WDR12: variants seen among roughly 807,000 people sequenced by gnomAD.
The protein encoded by WDR12 is ribosome biogenesis protein WDR12.
A neutral mutation model predicts 64.3 loss-of-function variants in WDR12; 42 were observed. That is an observed-to-expected ratio of 0.65 (90% confidence interval 0.51 to 0.84). WDR12 has a LOEUF of 0.84. Among genes scored for constraint, WDR12 ranks in the 40% least tolerant of loss-of-function variants. The pLI is 0.00. For missense variants in WDR12, 469 were observed against 494.6 expected, an observed-to-expected ratio of 0.95 and a Z score of 0.49; for synonymous variants, 158 against 173.3, an observed-to-expected ratio of 0.91 and a Z score of 0.70.
At chr2:202,885,709 GC>G in intron 8 of WDR12, among the ~76,000 whole-genome samples, 1 of 152,030 alleles carries the variant, frequency 6.6e-6, no homozygotes, top group Non-Finnish European at 1.5e-5. Context: ...TAAACTAAAA[GC>G]CCCAAACTAG....
intron 2 of WDR12, among the ~76,000 whole-genome samples, chr2:202,906,663 A>C (rs1019216369): frequency 1.3e-5 from 2 of 152,188 alleles, no homozygotes; most frequent in Non-Finnish European, 2.9e-5. Context: ...CAGGAGTTCG[A>C]GACCAGCCTC....
chr2:202,896,439 C>T (rs1688243866), intron 5 of WDR12, among the ~76,000 whole-genome samples: 1 of 152,192 alleles, frequency 6.6e-6, no homozygotes, highest in Admixed American at 6.5e-5. Flanking sequence ...CCTGTAAATA[C>T]TGACATTTTG....
rs1687831699 is a variant in WDR12, at chr2:202,874,952, A to C, written c.*5908T>G. 6.6e-6 allele frequency: 1 copy of C among 152,234 alleles called. No homozygotes were observed. The highest frequency in any genetic ancestry group is 1.5e-5 in the Non-Finnish European group (1 of 68,044). The allele number at this position is 152,234 out of a possible 1,614,324, so 9.4% of individuals were successfully genotyped here. ...AACCACTGAACTTCATCTGGTATTAAGTCTCAGCCATGTTATTACACTTTC... is the reference window on the plus strand; with the variant it reads ...AACCACTGAACTTCATCTGGTATTACGTCTCAGCCATGTTATTACACTTTC... On this transcript the variant is annotated 3_prime_UTR_variant, in exon 13 of 13. Coordinates refer to ENST00000261015, the MANE Select transcript of WDR12 (RefSeq NM_018256.4).
intron 8 of WDR12, among the ~76,000 whole-genome samples, chr2:202,892,064 C>A (rs1038909533): frequency 6.6e-6 from 1 of 152,174 alleles, no homozygotes; most frequent in East Asian, 1.9e-4. Context: ...TGTATCTAAT[C>A]ATGTAGTACA....
chr2:202,896,090 A>G lies in WDR12; in HGVS notation c.584T>C (p.Ile195Thr). ...TTTAGTTCCTGAGCCATCAACAGCTATAGAATCTACACTTCCAGCATGACC... is the reference window on the plus strand; with the variant it reads ...TTTAGTTCCTGAGCCATCAACAGCTGTAGAATCTACACTTCCAGCATGACC... ...CRGHAGSVDS[I>T]AVDGSGTKFC... The change falls in exon 6 of 13, where the codon ATA (isoleucine) becomes ACA (threonine). Residue 195 changes from isoleucine (I) to threonine (T), a missense_variant. Transcript: ENST00000261015. The G allele has an allele frequency of 6.2e-7, 1 of 1,613,866 alleles. No individual in the cohort carries two copies. Among genetic ancestry groups the G allele is most frequent in the Non-Finnish European group, 8.5e-7 (1 of 1,179,920 alleles).
intron 8 of WDR12, among the ~76,000 whole-genome samples, chr2:202,890,909 A>G (rs1348357043): frequency 6.7e-6 from 1 of 150,008 alleles, no homozygotes; most frequent in Non-Finnish European, 1.5e-5. Flanking sequence ...TGGGAGGATC[A>G]CCTGAGGCCA....
chr2:202,894,502 G>A (rs1031501439), intron 7 of WDR12, 79 bp downstream of exon 7: 27 of 1,284,942 alleles, frequency 2.1e-5, no homozygotes, highest in Admixed American at 7.2e-5. Context: ...GATTATAGGC[G>A]TAAGCCACCA....
At chr2:202,892,207 T>A (rs1160668380) in intron 8 of WDR12, among the ~76,000 whole-genome samples, 11 of 152,198 alleles carry the variant, frequency 7.2e-5, no homozygotes, top group Admixed American at 7.2e-4. Context: ...AAACTCTTGG[T>A]TTCTAGTGAT....
At chr2:202,907,816 T>G in intron 2 of WDR12, 49 bp downstream of exon 2, 2 of 1,463,522 alleles carry the variant, frequency 1.4e-6, no homozygotes, top group Middle Eastern at 2.1e-4. Context: ...CTTAATGCAT[T>G]TTAGAATAAT....
At chr2:202,902,865 A>G (rs1204641055) in intron 2 of WDR12, among the ~76,000 whole-genome samples, 1 of 152,174 alleles carries the variant, frequency 6.6e-6, no homozygotes, top group Non-Finnish European at 1.5e-5. Context: ...TTGGGAGGCC[A>G]AGAGTTCAAG....
rs367988085 is a variant in WDR12 at position 202,899,451 on chromosome 2, A to G, written c.338+80T>C. ...ACAAATAACATTAAATCACAGAAAA[A>G]TATGTATATATGGATTTAAAAAGAC... On this transcript the variant is annotated intron_variant, in intron 4 of 12. Coordinates refer to ENST00000261015, the MANE Select transcript of WDR12 (RefSeq NM_018256.4). The G allele has an allele frequency of 1.9e-3, 2,262 of 1,184,822 alleles. 4 individuals are homozygous for G. Among genetic ancestry groups the G allele is most frequent in the Non-Finnish European group, 2.0e-3 (1,657 of 833,660 alleles). The allele number at this position is 1,184,822 out of a possible 1,614,324, so 73.4% of individuals were successfully genotyped here.
At chr2:202,885,622 C>G (rs1688031103) in intron 8 of WDR12, among the ~76,000 whole-genome samples, 1 of 152,228 alleles carries the variant, frequency 6.6e-6, no homozygotes, top group Admixed American at 6.5e-5. Context: ...TCCTCAGTAT[C>G]TTTAAGTCCT....
In WDR12 at chr2:202,897,435, T is replaced by C. The variant is rs908639122; in HGVS notation, c.339-20A>G. 1.4e-6 allele frequency: 2 copies of C among 1,432,450 alleles called. No homozygotes were observed. The highest frequency in any genetic ancestry group is 1.9e-6 in the Non-Finnish European group (2 of 1,061,156). 88.7% of individuals were successfully genotyped at this position (1,432,450 alleles called of 1,614,324 possible). A position where few individuals can be genotyped will look rare whatever the true frequency, so the allele number is the denominator to read the frequency against. ...AAGATCCTATGAGAAAAAAAAATCTTATGAAACACAAAAAGCAGTTTTTCC... is the reference window on the plus strand; with the variant it reads ...AAGATCCTATGAGAAAAAAAAATCTCATGAAACACAAAAAGCAGTTTTTCC... On this transcript the variant is annotated intron_variant, in intron 4 of 12. Coordinates refer to ENST00000261015, the MANE Select transcript of WDR12 (RefSeq NM_018256.4).
At chr2:202,882,648 A>G in intron 12 of WDR12, 63 bp downstream of exon 12, 1 of 1,548,888 alleles carries the variant, frequency 6.5e-7, no homozygotes, top group Non-Finnish European at 8.9e-7. Context: ...ACATTTTATA[A>G]ACACAAACAC....
chr2:202,901,105 C>A lies in WDR12; in HGVS notation c.151G>T (p.Val51Leu). The A allele has an allele frequency of 6.3e-7, 1 of 1,594,114 alleles. No individual in the cohort carries two copies. The highest frequency in any genetic ancestry group is 8.6e-7 in the Non-Finnish European group (1 of 1,166,214). The change falls in exon 3 of 13, where the codon GTG becomes TTG. Residue 51 changes from valine (V) to leucine (L), a missense_variant. Transcript: ENST00000261015. Reference sequence around the variant, plus strand: ...CCCTTAATAAGGAAATCAAACTCCACATGTTTGTGGAACTCTGAGGAAAAT... The same window carrying A: ...CCCTTAATAAGGAAATCAAACTCCAAATGTTTGTGGAACTCTGAGGAAAAT... ...LKDKNEFHKHVEFDFLIKGQF... is the reference protein window; with the variant it reads ...LKDKNEFHKHLEFDFLIKGQF...
intron 8 of WDR12, 80 bp downstream of exon 8, chr2:202,892,537 C>T: frequency 1.0e-6 from 1 of 957,734 alleles, no homozygotes; most frequent in Non-Finnish European, 1.6e-6. Context: ...GCAACATAAA[C>T]AAAAAAGACC....
intron 11 of WDR12, 155 bp from the exon 12 acceptor site, chr2:202,882,938 CCT>C: frequency 1.8e-6 from 1 of 558,374 alleles, no homozygotes; most frequent in Non-Finnish European, 3.1e-6. Flanking sequence ...GATCATCTCT[CCT>C]CTTTTTCCTG....
rs1377054352 is a variant in WDR12 at position 202,876,342 on chromosome 2, T to G, written c.*4518A>C. ...AGGAGTTGAGCCTGGATGGCAGAGC[T>G]AGACTATGTCTCGTAAAAAGAGATA... On this transcript the variant is annotated 3_prime_UTR_variant, in exon 13 of 13. Transcript: ENST00000261015. 19 of 152,342 alleles carry G rather than the reference T, an allele frequency of 1.2e-4. No individual in the cohort carries two copies. The highest frequency in any genetic ancestry group is 1.5e-5 in the Non-Finnish European group (1 of 68,038). 9.4% of individuals were successfully genotyped at this position (152,342 alleles called of 1,614,324 possible).
Position 202,897,346 on chromosome 2 carries a change from A to C in WDR12, c.408T>G (p.Ile136Met). Residue 136 changes from isoleucine (I) to methionine (M), a missense_variant, in exon 5 of 13, where the codon ATT (isoleucine) becomes ATG (methionine). Ile to Met is a conservative substitution (Grantham distance 10). Transcript: ENST00000261015. The part of the protein sequence containing the change: ...WSLEGKSIMT[I>M]VGHTDVVKDV... Reference sequence around the variant, plus strand: ...CTTTTACAACATCCGTATGTCCCACAATTGTCATTATTGACTTTCCTTCCA... The same window carrying C: ...CTTTTACAACATCCGTATGTCCCACCATTGTCATTATTGACTTTCCTTCCA... 3 of 1,599,088 alleles carry C rather than the reference A, an allele frequency of 1.9e-6. No individual in the cohort carries two copies. The highest frequency in any genetic ancestry group is 2.6e-6 in the Non-Finnish European group (3 of 1,173,782).
Sources: gnomAD v4.1 joint callset for allele counts (sites outside exome capture counted in the v4.1 genomes callset) on GRCh38, gnomAD v4.1.1 for gene constraint, MANE v1.5 for transcripts, NCBI Gene and HGNC (gene_info 2026-07-23, HGNC 2026-07-21) for gene names.